DOCK4: variants seen among roughly 807,000 people sequenced by gnomAD.
DOCK4 encodes dedicator of cytokinesis 4, also known as dedicator of cytokinesis protein 4.
In DOCK4, 97 loss-of-function variants were observed where a neutral mutation model predicts 268.1. The ratio of observed to expected loss-of-function variants is 0.36; its 90% CI spans 0.31 to 0.43. DOCK4 has a LOEUF of 0.43. DOCK4 is among the 20% of genes least tolerant of loss of function. The probability of loss-of-function intolerance (pLI) is 1.00; values close to 1 mark genes in which losing one functional copy is unlikely to be tolerated. For missense variants in DOCK4, 2,145 were observed against 2,455.7 expected (o/e 0.87, Z 2.67); for synonymous variants, 954 against 887.2 (o/e 1.08, Z -1.34).
chr7:112,037,110 G>C lies in DOCK4; in HGVS notation c.38-32979C>G, dbSNP rs191443189. 3.2e-3 allele frequency among the ~76,000 whole-genome samples: 487 copies of C among 152,188 alleles called. 3 individuals carry two copies. The highest frequency in any genetic ancestry group is 4.5e-3 in the Non-Finnish European group (305 of 67,996). On this transcript the variant is annotated intron_variant, in intron 1 of 52. Transcript: ENST00000428084. ...CTGGGCAGTGGAGGCAAGCCATTCT[G>C]TTTTTCACTTTCAGCACAGTATTCA...
intron 23 of DOCK4, among the ~76,000 whole-genome samples, chr7:111,857,298 T>C (rs1156411890): frequency 6.6e-6 from 1 of 152,226 alleles, no homozygotes; most frequent in Non-Finnish European, 1.5e-5. Context: ...TATCTTTCCA[T>C]TAATTTTTTA....
At chr7:111,820,324 G>A (rs1354373816) in intron 27 of DOCK4, 2 of 152,204 alleles carry the variant, frequency 1.3e-5, no homozygotes, top group Non-Finnish European at 2.9e-5. Context: ...ATTGCCAGTG[G>A]AGAGGCAGCG....
intron 26 of DOCK4, among the ~76,000 whole-genome samples, chr7:111,824,783 C>T (rs1342435420): frequency 6.6e-6 from 1 of 152,130 alleles, no homozygotes; most frequent in Non-Finnish European, 1.5e-5. Flanking sequence ...TCTCATTTTC[C>T]TAGTCACATT....
chr7:112,133,235 C>T (rs944676651), intron 1 of DOCK4, among the ~76,000 whole-genome samples: 3 of 152,038 alleles, frequency 2.0e-5, no homozygotes, highest in African/African-American at 7.2e-5. Flanking sequence ...AATGCAGAAA[C>T]ATTTTGCAGG....
At chr7:111,742,959 T>C (rs1488836303) in intron 44 of DOCK4, among the ~76,000 whole-genome samples, 3 of 151,808 alleles carry the variant, frequency 2.0e-5, no homozygotes, top group African/African-American at 7.3e-5. Flanking sequence ...GCCACTGCAT[T>C]TCAGCCTAGG....
chr7:111,780,090 T>C (rs1054454968), intron 35 of DOCK4, among the ~76,000 whole-genome samples: 3 of 152,208 alleles, frequency 2.0e-5, no homozygotes, highest in African/African-American at 7.2e-5. Flanking sequence ...AGGGCTTTGG[T>C]AATAATGGAC....
rs1033731715 is a variant in DOCK4 at position 112,052,063 on chromosome 7, C to T, written c.38-47932G>A. Among the ~76,000 whole-genome samples, 32 of 152,154 alleles carry T rather than the reference C, an allele frequency of 2.1e-4. No homozygotes were observed. In the East Asian group the frequency reaches 5.2e-3, roughly 25 times the overall value. On this transcript the variant is annotated intron_variant, in intron 1 of 52. Transcript: ENST00000428084. Reference sequence around the variant, plus strand: ...GTATTTGCATATGACCTATGAACATCCCCCCATATACTTTAAATCATCTCT... The same window carrying T: ...GTATTTGCATATGACCTATGAACATTCCCCCATATACTTTAAATCATCTCT...
chr7:112,141,250 G>A lies in DOCK4; in HGVS notation c.37+64852C>T, dbSNP rs1053671082. Among the ~76,000 whole-genome samples, 11 of 152,090 alleles carry A rather than the reference G, an allele frequency of 7.2e-5. No individual in the cohort carries two copies. In the South Asian group the frequency reaches 8.3e-4, roughly 11 times the overall value. On this transcript the variant is annotated intron_variant, in intron 1 of 52. Coordinates refer to ENST00000428084, the MANE Select transcript of DOCK4 (RefSeq NM_001363540.2). ...ATCCCACAGCAATCCTCTACCATAA[G>A]GGACAGAAAAGTGTACAGTTGCCAC...
intron 12 of DOCK4, among the ~76,000 whole-genome samples, chr7:111,932,029 G>A (rs1794245450): frequency 6.6e-6 from 1 of 152,122 alleles, no homozygotes; most frequent in African/African-American, 2.4e-5. Flanking sequence ...AGGCCTTAAG[G>A]ATACAGGATC....
chr7:112,042,040 G>A (rs1804417070), intron 1 of DOCK4, among the ~76,000 whole-genome samples: 1 of 152,138 alleles, frequency 6.6e-6, no homozygotes, highest in Non-Finnish European at 1.5e-5. Flanking sequence ...CAAGAGGACT[G>A]CTGGAGGCAA....
rs869052136 is a variant in DOCK4 at position 111,762,762 on chromosome 7, C to CTTTTTTTT, written c.4020+2348_4020+2355dup. ...TAAATAACCCATTTTGTTTTGTTTTCTTTTTTTTTTTTTTTTTTTTTTTTG... is the reference window on the plus strand; with the variant it reads ...TAAATAACCCATTTTGTTTTGTTTTCTTTTTTTTTTTTTTTTTTTTTTTTTTTTTTTTG... On this transcript the variant is annotated intron_variant, in intron 39 of 52. Coordinates refer to ENST00000428084, the MANE Select transcript of DOCK4 (RefSeq NM_001363540.2). Among the ~76,000 whole-genome samples the CTTTTTTTT allele has an allele frequency of 5.3e-3, 331 of 63,032 alleles. 54 individuals carry two copies. Among genetic ancestry groups the CTTTTTTTT allele is most frequent in the African/African-American group, 6.6e-3 (122 of 18,356 alleles). 41.4% of individuals were successfully genotyped at this position (63,032 alleles called of 152,430 possible). A position where few individuals can be genotyped will look rare whatever the true frequency, so the allele number is the denominator to read the frequency against.
chr7:111,998,447 C>A lies in DOCK4; in HGVS notation c.218+1G>T. ...AACTACTAATAAAACTCATTTCTTA[C>A]CCTTTGTTCTTTACACAGGCATTTT... On this transcript the variant is annotated splice_donor_variant, in intron 4 of 52. Coordinates refer to ENST00000428084, the MANE Select transcript of DOCK4 (RefSeq NM_001363540.2). LOFTEE classifies it high-confidence loss of function. 1 of 1,575,550 alleles carries A rather than the reference C, an allele frequency of 6.3e-7. No individual in the cohort carries two copies. Among genetic ancestry groups the A allele is most frequent in the South Asian group, 1.2e-5 (1 of 85,632 alleles).
chr7:112,194,320 A>G (rs935854561), intron 1 of DOCK4, among the ~76,000 whole-genome samples: 1 of 152,180 alleles, frequency 6.6e-6, no homozygotes, highest in Non-Finnish European at 1.5e-5. Flanking sequence ...CAAACATTTC[A>G]TGGAGAGAGC....
chr7:112,163,351 C>T (rs1025860830), intron 1 of DOCK4, among the ~76,000 whole-genome samples: 6 of 152,062 alleles, frequency 3.9e-5, no homozygotes, highest in African/African-American at 1.4e-4. Context: ...AACAAGGCAT[C>T]TTTGTTGCCT....
chr7:112,066,148 A>G (rs1037856101), intron 1 of DOCK4, among the ~76,000 whole-genome samples: 3 of 152,160 alleles, frequency 2.0e-5, no homozygotes, highest in African/African-American at 7.2e-5. Context: ...CAGGAAGAGA[A>G]CAGCATTTGA....
chr7:111,795,118 A>G (rs1441647347), intron 30 of DOCK4, among the ~76,000 whole-genome samples: 1 of 152,042 alleles, frequency 6.6e-6, no homozygotes, highest in Non-Finnish European at 1.5e-5. Flanking sequence ...GGGGTTGGGG[A>G]GTCCTCACTC....
At chr7:111,836,375 T>C (rs1803244456) in intron 25 of DOCK4, among the ~76,000 whole-genome samples, 1 of 152,032 alleles carries the variant, frequency 6.6e-6, no homozygotes, top group Non-Finnish European at 1.5e-5. Flanking sequence ...GATCAAATAG[T>C]TTCCAATAAA....
At chr7:111,983,837 C>T (rs1302809956) in intron 7 of DOCK4, among the ~76,000 whole-genome samples, 2 of 101,708 alleles carry the variant, frequency 2.0e-5, no homozygotes, top group East Asian at 4.7e-4. Context: ...TATGTATGTA[C>T]ACACACACGC....
intron 1 of DOCK4, among the ~76,000 whole-genome samples, chr7:112,127,579 C>A (rs1003341901): frequency 6.6e-6 from 1 of 151,292 alleles, no homozygotes; most frequent in African/African-American, 2.4e-5. Flanking sequence ...AAAAAAACTT[C>A]TTTATTTTGA....
Sources: allele counts gnomAD v4.1 joint callset (sites outside exome capture counted in the v4.1 genomes callset), GRCh38; gene constraint gnomAD v4.1.1; transcripts MANE v1.5; gene names NCBI Gene and HGNC (gene_info 2026-07-23, HGNC 2026-07-21).